Variants in MCMDC2 observed in about 807,000 individuals in gnomAD.
MCMDC2 encodes minichromosome maintenance domain-containing protein 2.
MCMDC2 carries 54 observed loss-of-function variants against 75.8 expected under a neutral mutation model. The ratio of observed to expected loss-of-function variants is 0.71; its 90% CI spans 0.57 to 0.89. The LOEUF (loss-of-function observed/expected upper bound fraction) is 0.89, where lower values mean the gene tolerates loss of function less well. Among genes scored for constraint, MCMDC2 ranks in the 40% least tolerant of loss-of-function variants. The pLI is 0.00. For synonymous variants in MCMDC2, 249 were observed against 274.6 expected, an observed-to-expected ratio of 0.91 and a Z score of 0.92; for missense variants, 656 against 780.4, an observed-to-expected ratio of 0.84 and a Z score of 1.90.
intron 14 of MCMDC2, 97 bp from the exon 15 acceptor site, chr8:66,918,906 T>TAAGA: frequency 1.8e-6 from 2 of 1,106,858 alleles, no homozygotes; most frequent in Non-Finnish European, 2.4e-6. Flanking sequence ...ACTTAATTTT[T>TAAGA]AAGATTCCAT....
chr8:66,880,450 T>G (rs1811506374), intron 7 of MCMDC2, among the ~76,000 whole-genome samples: 2 of 152,212 alleles, frequency 1.3e-5, no homozygotes, highest in South Asian at 4.1e-4. Context: ...AGTACTTACA[T>G]GTATTGTAGA....
At chr8:66,890,416 G>A (rs545044288) in intron 9 of MCMDC2, among the ~76,000 whole-genome samples, 1 of 151,514 alleles carries the variant, frequency 6.6e-6, no homozygotes, top group African/African-American at 2.4e-5. Flanking sequence ...GTCTTGCTCT[G>A]TCACCAGGAT....
At chr8:66,918,743 CCCTGGTA>C (rs1299576881) in intron 14 of MCMDC2, among the ~76,000 whole-genome samples, 3 of 152,096 alleles carry the variant, frequency 2.0e-5, no homozygotes, top group Non-Finnish European at 4.4e-5. Flanking sequence ...CTTCCATTGG[CCCTGGTA>C]CCAATGCGTG....
chr8:66,902,558 G>A lies in MCMDC2; in HGVS notation c.1769+1210G>A, dbSNP rs371488717. Among the ~76,000 whole-genome samples the A allele has an allele frequency of 5.3e-5, 8 of 151,366 alleles. No individual in the cohort carries two copies. In the East Asian group the frequency reaches 1.6e-3, roughly 29 times the overall value. On this transcript the variant is annotated intron_variant, in intron 13 of 14. Transcript: ENST00000422365. ...ATACAAAAAAAATTAGCTTGGCGTTGTGGCACATGCCTGTAGTCCCAGCTA... is the reference window on the plus strand; with the variant it reads ...ATACAAAAAAAATTAGCTTGGCGTTATGGCACATGCCTGTAGTCCCAGCTA...
chr8:66,891,674 C>T (rs1464282587), intron 10 of MCMDC2, among the ~76,000 whole-genome samples: 1 of 152,182 alleles, frequency 6.6e-6, no homozygotes, highest in African/African-American at 2.4e-5. Flanking sequence ...TGGGCTTGTT[C>T]TGCTCACTCA....
intron 10 of MCMDC2, among the ~76,000 whole-genome samples, chr8:66,891,641 G>C (rs1463217859): frequency 6.6e-6 from 1 of 152,184 alleles, no homozygotes; most frequent in Non-Finnish European, 1.5e-5. Context: ...CAGCACCTCT[G>C]CTTGAGTTTC....
chr8:66,916,046 A>C (rs2130871953), intron 14 of MCMDC2, among the ~76,000 whole-genome samples: 1 of 152,284 alleles, frequency 6.6e-6, no homozygotes, highest in East Asian at 1.9e-4. Flanking sequence ...GTGGGAATGG[A>C]GATGAGGCTA....
chr8:66,876,972 G>T (rs1811319476), intron 4 of MCMDC2, among the ~76,000 whole-genome samples: 1 of 152,110 alleles, frequency 6.6e-6, no homozygotes, highest in Non-Finnish European at 1.5e-5. Context: ...ATGTTAGCCA[G>T]GATGGTCTCG....
rs1308519154 is a variant in MCMDC2 at position 66,877,496 on chromosome 8, C to G, written c.433C>G (p.Gln145Glu). Reference protein sequence around the residue: ...IAMTTITKYTQGARFLCSDEA... With the variant: ...IAMTTITKYTEGARFLCSDEA... ...AATGACAACTATAACCAAGTATACA[C>G]AAGGGGCAAGATTTCTTTGTTCAGA... The change falls in exon 5 of 15, where the codon CAA (glutamine) becomes GAA (glutamate). Residue 145 changes from glutamine (Q) to glutamate (E), a missense_variant. Transcript: ENST00000422365. 6.2e-7 allele frequency: 1 copy of G among 1,609,996 alleles called. No homozygotes were observed. Among genetic ancestry groups the G allele is most frequent in the South Asian group, 1.1e-5 (1 of 89,844 alleles).
intron 10 of MCMDC2, among the ~76,000 whole-genome samples, chr8:66,891,740 G>T (rs2130824975): frequency 6.6e-6 from 1 of 152,312 alleles, no homozygotes; most frequent in Admixed American, 6.5e-5. Context: ...GCCTGCTGAG[G>T]ATAAGCCAGG....
chr8:66,917,387 T>C (rs1813363144), intron 14 of MCMDC2, among the ~76,000 whole-genome samples: 1 of 152,222 alleles, frequency 6.6e-6, no homozygotes, highest in Non-Finnish European at 1.5e-5. Flanking sequence ...TACCTCCTCA[T>C]GGTCAATTTT....
intron 10 of MCMDC2, among the ~76,000 whole-genome samples, chr8:66,891,276 A>C (rs1036257143): frequency 2.0e-5 from 3 of 152,228 alleles, no homozygotes; most frequent in African/African-American, 2.4e-5. Context: ...GTGTGCTAAC[A>C]CATGAGCTTG....
chr8:66,887,935 A>G (rs574643493), intron 9 of MCMDC2, among the ~76,000 whole-genome samples: 81 of 152,292 alleles, frequency 5.3e-4, no homozygotes, highest in Admixed American at 1.3e-3. Context: ...ACTTTGATCT[A>G]TTGTTCTATA....
chr8:66,885,323 ACT>A (rs1443988694), intron 9 of MCMDC2, among the ~76,000 whole-genome samples: 1 of 149,238 alleles, frequency 6.7e-6, no homozygotes, highest in East Asian at 2.0e-4. Flanking sequence ...ACAGAGCGAG[ACT>A]CTGTCTCAAA....
Position 66,896,891 on chromosome 8 carries a change from A to G in MCMDC2, c.1558A>G (p.Lys520Glu). Residue 520 changes from lysine (K) to glutamate (E), a missense_variant, in exon 12 of 15, where the codon AAA becomes GAA. Coordinates refer to ENST00000422365, the MANE Select transcript of MCMDC2 (RefSeq NM_173518.5). Reference sequence around the variant, plus strand: ...TCCTACTGTGCAACACACTTTGAACAAAGCCATTAATCCTGAAGGGCTGTT... The same window carrying G: ...TCCTACTGTGCAACACACTTTGAACGAAGCCATTAATCCTGAAGGGCTGTT... ...FLPTVQHTLN[K>E]AINPEGLFYA... 1.2e-6 allele frequency: 2 copies of G among 1,613,432 alleles called. No individual in the cohort carries two copies. The highest frequency in any genetic ancestry group is 1.7e-6 in the Non-Finnish European group (2 of 1,179,694).
At chr8:66,916,765 G>A (rs1390712867) in intron 14 of MCMDC2, among the ~76,000 whole-genome samples, 1 of 152,184 alleles carries the variant, frequency 6.6e-6, no homozygotes, top group African/African-American at 2.4e-5. Context: ...AGGAGGTAGA[G>A]TAGGGGAGTG....
Position 66,922,041 on chromosome 8 carries a change from T to C in MCMDC2, c.*2872T>C, listed in dbSNP as rs561172483. ...TATCAACATCAAGTAAAATGCTCATTTTCATCATTTGCTTCTGTTCATGTT... is the reference window on the plus strand; with the variant it reads ...TATCAACATCAAGTAAAATGCTCATCTTCATCATTTGCTTCTGTTCATGTT... On this transcript the variant is annotated 3_prime_UTR_variant, in exon 15 of 15. Coordinates refer to ENST00000422365, the MANE Select transcript of MCMDC2 (RefSeq NM_173518.5). 18 of 153,120 alleles carry C rather than the reference T, an allele frequency of 1.2e-4. No homozygotes were observed. Among genetic ancestry groups the C allele is most frequent in the African/African-American group, 4.1e-4 (17 of 41,586 alleles). The allele number at this position is 153,120 out of a possible 1,614,324, so 9.5% of individuals were successfully genotyped here.
chr8:66,915,187 G>A (rs1227444971), intron 14 of MCMDC2, among the ~76,000 whole-genome samples: 1 of 152,030 alleles, frequency 6.6e-6, no homozygotes, highest in Non-Finnish European at 1.5e-5. Context: ...AAATGGCCAG[G>A]AGCGGTGGCT....
rs1378552670 is a variant in MCMDC2 at position 66,921,359 on chromosome 8, A to G, written c.*2190A>G. On this transcript the variant is annotated 3_prime_UTR_variant, in exon 15 of 15. Coordinates refer to ENST00000422365, the MANE Select transcript of MCMDC2 (RefSeq NM_173518.5). ...CTACTTCATATACCTATGCAACAGA[A>G]CTGCACTTATACCCCCCAAATCTAT... is the stretch of plus-strand genomic sequence containing the variant. 1.3e-5 allele frequency: 2 copies of G among 152,216 alleles called. No homozygotes were observed. Among genetic ancestry groups the G allele is most frequent in the Non-Finnish European group, 2.9e-5 (2 of 68,048 alleles). 9.4% of individuals were successfully genotyped at this position (152,216 alleles called of 1,614,324 possible).
Sources: allele counts gnomAD v4.1 joint callset (sites outside exome capture counted in the v4.1 genomes callset), GRCh38; gene constraint gnomAD v4.1.1; transcripts MANE v1.5; gene names NCBI Gene and HGNC (gene_info 2026-07-23, HGNC 2026-07-21).